SLC25A28: variants seen among roughly 807,000 people sequenced by gnomAD.
The protein encoded by SLC25A28 is solute carrier family 25 member 28.
SLC25A28 carries 10 observed loss-of-function variants against 31.9 expected under a neutral mutation model. That is an observed-to-expected ratio of 0.31 (90% CI 0.19 to 0.53). The LOEUF (loss-of-function observed/expected upper bound fraction) is 0.53, where lower values mean the gene tolerates loss of function less well. SLC25A28 is among the 20% of genes least tolerant of loss of function. The pLI is 0.95. For synonymous variants in SLC25A28, 208 were observed against 203.6 expected (o/e 1.02, Z -0.19); for missense variants, 256 against 490.3 (o/e 0.52, Z 4.51).
At chr10:99,619,206 C>G (rs1215820642) in intron 1 of SLC25A28, 1 of 985,264 alleles carries the variant, frequency 1.0e-6, no homozygotes, top group Non-Finnish European at 1.2e-6. Flanking sequence ...GAATCGTGTC[C>G]TCTTGTTGAT....
the SLC25A28 span, among the ~76,000 whole-genome samples, chr10:99,643,403 G>A: frequency 2.6e-5 from 4 of 151,916 alleles, no homozygotes; most frequent in Non-Finnish European, 4.4e-5. Flanking sequence ...CTGTGGGATC[G>A]GTGGTGATAT....
chr10:99,616,230 A>T, intron 1 of SLC25A28: 1 of 979,818 alleles, frequency 1.0e-6, no homozygotes, highest in Non-Finnish European at 1.2e-6. Flanking sequence ...GACAAGCCAC[A>T]TTTGAGTCAA....
At chr10:99,633,405 G>A in the SLC25A28 span, among the ~76,000 whole-genome samples, 8 of 152,136 alleles carry the variant, frequency 5.3e-5, no homozygotes, top group African/African-American at 1.7e-4. Flanking sequence ...GCATATAAAA[G>A]CCTAGGCAGG....
At chr10:99,646,817 CTCCTCCTACCCT>C in the SLC25A28 span, among the ~76,000 whole-genome samples, 1 of 152,196 alleles carries the variant, frequency 6.6e-6, no homozygotes, top group Non-Finnish European at 1.5e-5. Context: ...AACCCTAACC[CTCCTCCTACCCT>C]CCCACCTTCT....
chr10:99,638,682 A>G, the SLC25A28 span, among the ~76,000 whole-genome samples: 29,183 of 152,286 alleles, frequency 0.19, 3,173 homozygotes, highest in Middle Eastern at 0.35. Flanking sequence ...AACATATGAA[A>G]AAATGCTCAA....
At chr10:99,636,939 A>G in the SLC25A28 span, among the ~76,000 whole-genome samples, 1 of 152,234 alleles carries the variant, frequency 6.6e-6, no homozygotes, top group African/African-American at 2.4e-5. Context: ...AATTCATTCT[A>G]TGAAGCCAGC....
chr10:99,653,403 T>C, the SLC25A28 span, among the ~76,000 whole-genome samples: 1 of 152,214 alleles, frequency 6.6e-6, no homozygotes, highest in Non-Finnish European at 1.5e-5. Context: ...TATCTCCTAG[T>C]TCCAGCTAAG....
chr10:99,648,535 T>C, the SLC25A28 span, among the ~76,000 whole-genome samples: 1 of 152,208 alleles, frequency 6.6e-6, no homozygotes, highest in African/African-American at 2.4e-5. Flanking sequence ...GTAGATTACT[T>C]TGGGGACTAT....
chr10:99,612,900 A>G (rs2034563061), intron 2 of SLC25A28, among the ~76,000 whole-genome samples: 1 of 152,224 alleles, frequency 6.6e-6, no homozygotes, highest in South Asian at 2.1e-4. Context: ...GACAGGAAGC[A>G]GATACACTGC....
At position 99,613,503 on chromosome 10, in the gene SLC25A28, G is replaced by GC; in HGVS notation, c.520+192dup. ...GGATACTGTAACCCTTTGTTGAGGT[G>GC]CCCCAAAGGAAAAGGCAGGGTTGAA... On this transcript the variant is annotated intron_variant, in intron 2 of 3. Transcript: ENST00000370495. This position sits in a 1 kb window ranked among gnomAD's most constrained non-coding sequence, Gnocchi z 4.9. 1 of 1,443,586 alleles carries GC rather than the reference G, an allele frequency of 6.9e-7. No individual in the cohort carries two copies. 89.4% of individuals were successfully genotyped at this position (1,443,586 alleles called of 1,614,324 possible).
chr10:99,618,004 G>A (rs1156439519), intron 1 of SLC25A28, among the ~76,000 whole-genome samples: 1 of 152,196 alleles, frequency 6.6e-6, no homozygotes, highest in Non-Finnish European at 1.5e-5. Flanking sequence ...AAGTAAAGCA[G>A]TCTCCTTGCT....
At chr10:99,656,082 C>T in the SLC25A28 span, among the ~76,000 whole-genome samples, 11 of 152,198 alleles carry the variant, frequency 7.2e-5, no homozygotes, top group South Asian at 2.1e-3. Flanking sequence ...TCTGCCACAC[C>T]ATGCTTAGGA....
At chr10:99,657,399 G>A in the SLC25A28 span, among the ~76,000 whole-genome samples, 3 of 152,118 alleles carry the variant, frequency 2.0e-5, no homozygotes. Context: ...TCTGTATAAT[G>A]TTGTGGTTAA....
At chr10:99,639,508 C>T in the SLC25A28 span, among the ~76,000 whole-genome samples, 1 of 151,960 alleles carries the variant, frequency 6.6e-6, no homozygotes, top group Non-Finnish European at 1.5e-5. Flanking sequence ...AAATAAATCC[C>T]ATTTTCTCAA....
the SLC25A28 span, among the ~76,000 whole-genome samples, chr10:99,633,055 A>G: frequency 7.0e-4 from 107 of 152,292 alleles, no homozygotes; most frequent in South Asian, 2.1e-3. Flanking sequence ...GCTCTGTGGT[A>G]TTGTATACTT....
Position 99,612,596 on chromosome 10 carries a change from G to A in SLC25A28, c.524C>T (p.Ala175Val), listed in dbSNP as rs951832324. The change falls in exon 3 of 4, where the codon GCG becomes GTG. Residue 175 changes from alanine to valine, a missense_variant. Around this residue, in one of 4 missense-constraint regions of SLC25A28, gnomAD observed 158 missense variants for 379.1 expected, o/e 0.42. Coordinates refer to ENST00000370495, the MANE Select transcript of SLC25A28 (RefSeq NM_031212.4). Reference protein sequence around the residue: ...PGGNSHIANGAAGCVATLLHD... With the variant: ...PGGNSHIANGVAGCVATLLHD... The stretch of plus-strand genomic sequence containing the variant: ...AAGTAATGTTGCCACACACCCGGCC[G>A]CACCTGCAAACAAGAAAACAACTGC... 48 of 1,613,960 alleles carry A rather than the reference G, an allele frequency of 3.0e-5. No homozygotes were observed. Among genetic ancestry groups the A allele is most frequent in the Middle Eastern group, 1.6e-4 (1 of 6,082 alleles).
At chr10:99,640,953 T>C in the SLC25A28 span, among the ~76,000 whole-genome samples, 2 of 152,252 alleles carry the variant, frequency 1.3e-5, no homozygotes, top group African/African-American at 4.8e-5. Flanking sequence ...ATTTTCTTAA[T>C]CCAGTCTATC....
In SLC25A28 at chr10:99,611,991, G is replaced by A. The variant is rs895084189; in HGVS notation, c.577+552C>T. On this transcript the variant is annotated intron_variant, in intron 3 of 3. Transcript: ENST00000370495. The surrounding 1 kb of genome is among the most constrained non-coding windows in gnomAD (Gnocchi z 5.5). ...GGCCTTGCCCAGACAGAAAATGAAC[G>A]TGGCAACAATGCTATCCCTTCATAT... 3.3e-5 allele frequency among the ~76,000 whole-genome samples: 5 copies of A among 152,148 alleles called. No homozygotes were observed. Among genetic ancestry groups the A allele is most frequent in the African/African-American group, 4.8e-5 (2 of 41,422 alleles).
rs569324227 is a variant in SLC25A28 at position 99,617,814 on chromosome 10, G to A, written c.291+2231C>T. The A allele has an allele frequency of 7.0e-5, 69 of 982,998 alleles. 2 individuals carry two copies. In the South Asian group the frequency reaches 2.6e-3, roughly 38 times the overall value. 60.9% of individuals were successfully genotyped at this position (982,998 alleles called of 1,614,324 possible). On this transcript the variant is annotated intron_variant, in intron 1 of 3. Transcript: ENST00000370495. ...GGCTTTCAGGCATAACTGCTATGTTGTATGACTAATTTTTAAAAAACAAAA... is the reference window on the plus strand; with the variant it reads ...GGCTTTCAGGCATAACTGCTATGTTATATGACTAATTTTTAAAAAACAAAA...
Sources: gnomAD v4.1 joint callset for allele counts (sites outside exome capture counted in the v4.1 genomes callset) on GRCh38, gnomAD v4.1.1 for gene constraint, gnomAD v4.1.1 regional missense constraint, Gnocchi (gnomAD v3.1) non-coding constraint, MANE v1.5 for transcripts, NCBI Gene and HGNC (gene_info 2026-07-23, HGNC 2026-07-21) for gene names.